The following ZIC4 variants were observed in gnomAD, a reference collection of about 807,000 sequenced individuals.
ZIC4 encodes zinc finger protein ZIC 4.
In ZIC4, 15 loss-of-function variants were observed where a neutral mutation model predicts 28.8. The ratio of observed to expected loss-of-function variants is 0.52; its 90% CI spans 0.35 to 0.80. The LOEUF (loss-of-function observed/expected upper bound fraction) is 0.80, where lower values mean the gene tolerates loss of function less well. Ranked by LOEUF, ZIC4 falls within the 30% of genes least tolerant of loss-of-function variation. The pLI is 0.01. For missense variants in ZIC4, 512 were observed against 467.1 expected (o/e 1.10, Z -0.89); for synonymous variants, 220 against 198.1 (o/e 1.11, Z -0.93).
chr3:147,406,228 A>G, intron 1 of ZIC4, 135 bp downstream of exon 1: 1 of 152,636 alleles, frequency 6.6e-6, no homozygotes, highest in Non-Finnish European at 1.5e-5. Flanking sequence ...ATGAAGGAGG[A>G]GATGGGGCAG....
chr3:147,405,325 G>A, intron 1 of ZIC4: 1 of 1,488,126 alleles, frequency 6.7e-7, no homozygotes. Flanking sequence ...ATGCAGTGGT[G>A]TGGGTCGCTG....
At chr3:147,400,238 T>C (rs1184006149) in intron 2 of ZIC4, among the ~76,000 whole-genome samples, 2 of 152,236 alleles carry the variant, frequency 1.3e-5, no homozygotes, top group East Asian at 1.9e-4. Context: ...CCACTGACTC[T>C]CTGGACTCCA....
intron 2 of ZIC4, chr3:147,397,123 G>T (rs1405280582): frequency 6.6e-6 from 1 of 151,928 alleles, no homozygotes; most frequent in Non-Finnish European, 1.5e-5. Flanking sequence ...CCAAGGTTTG[G>T]ATTTGGGCGC....
chr3:147,392,580 C>G (rs752310144), intron 3 of ZIC4: 1 of 309,908 alleles, frequency 3.2e-6, no homozygotes, highest in Non-Finnish European at 4.7e-6. Context: ...GTTAAGGGAC[C>G]GGCTACCTAG....
intron 2 of ZIC4, among the ~76,000 whole-genome samples, chr3:147,401,903 T>C (rs1046347879): frequency 2.6e-5 from 4 of 152,150 alleles, no homozygotes; most frequent in Admixed American, 2.0e-4. Flanking sequence ...TATTAAAGAA[T>C]CAAAACAACT....
chr3:147,389,108 G>T (rs2086854504), intron 4 of ZIC4: 1 of 566,634 alleles, frequency 1.8e-6, no homozygotes, highest in African/African-American at 1.9e-5. Flanking sequence ...GTTGCCGACT[G>T]CCCGCGCTGG....
chr3:147,395,765 C>A, intron 3 of ZIC4, 87 bp downstream of exon 3: 1 of 1,514,806 alleles, frequency 6.6e-7, no homozygotes, highest in Non-Finnish European at 8.9e-7. Context: ...ATTTCCCCCT[C>A]CCCTCAGTTG....
At chr3:147,402,200 T>C (rs548929687) in intron 2 of ZIC4, among the ~76,000 whole-genome samples, 1 of 152,348 alleles carries the variant, frequency 6.6e-6, no homozygotes, top group East Asian at 1.9e-4. Flanking sequence ...AGAGCAGCTG[T>C]CAGTCACTCC....
intron 3 of ZIC4, 53 bp downstream of exon 3, chr3:147,395,799 A>T (rs73004638): frequency 0.15 from 230,047 of 1,564,060 alleles, 17,684 homozygotes; most frequent in African/African-American, 0.22. Flanking sequence ...TCCAGACCCG[A>T]GGGCCTGCTT....
Position 147,388,752 on chromosome 3 carries a change from G to A in ZIC4, c.*107C>T. 1 of 725,182 alleles carries A rather than the reference G, an allele frequency of 1.4e-6. No homozygotes were observed. Among genetic ancestry groups the A allele is most frequent in the Non-Finnish European group, 2.5e-6 (1 of 394,248 alleles). 44.9% of individuals were successfully genotyped at this position (725,182 alleles called of 1,614,324 possible). A position where few individuals can be genotyped will look rare whatever the true frequency, so the allele number is the denominator to read the frequency against. On this transcript the variant is annotated 3_prime_UTR_variant, in exon 5 of 5. Transcript: ENST00000383075. Reference sequence around the variant, plus strand: ...CTAACTTACCATGAAGATGCACCGTGGCGAAGAAACACTGCTTTGTGCGCG... The same window carrying A: ...CTAACTTACCATGAAGATGCACCGTAGCGAAGAAACACTGCTTTGTGCGCG...
Position 147,396,459 on chromosome 3 carries a change from A to G in ZIC4, c.81T>C (p.Ser27=). 1.3e-6 allele frequency: 2 copies of G among 1,514,288 alleles called. No homozygotes were observed. The highest frequency in any genetic ancestry group is 1.8e-6 in the Non-Finnish European group (2 of 1,134,726). 93.8% of individuals were successfully genotyped at this position (1,514,288 alleles called of 1,614,324 possible). A position where few individuals can be genotyped will look rare whatever the true frequency, so the allele number is the denominator to read the frequency against. The change falls in exon 3 of 5, where the codon TCT becomes TCC. Residue 27 remains serine (S), a synonymous_variant. Transcript: ENST00000383075. The surrounding 1 kb of genome is among the most constrained non-coding windows in gnomAD (Gnocchi z 4.2). ...CGGTGAGCTGGGGGCCATGGTGTCCAGAGCTGCTACCTGTTGTCGAAACAA... is the reference window on the plus strand; with the variant it reads ...CGGTGAGCTGGGGGCCATGGTGTCCGGAGCTGCTACCTGTTGTCGAAACAA... The part of the protein sequence containing the change: ...RNTLKESSSS[S]GHHGPQLTAA...
rs2086816618 is a variant in ZIC4, at chr3:147,387,506, A to G, written c.*1353T>C. On this transcript the variant is annotated 3_prime_UTR_variant, in exon 5 of 5. Coordinates refer to ENST00000383075, the MANE Select transcript of ZIC4 (RefSeq NM_032153.6). ...CCATCCTTTTTATTCAACCACAAGGACTGGCACTAAAGAAGACTCCACTGT... is the reference window on the plus strand; with the variant it reads ...CCATCCTTTTTATTCAACCACAAGGGCTGGCACTAAAGAAGACTCCACTGT... 1 of 152,588 alleles carries G rather than the reference A, an allele frequency of 6.6e-6. No homozygotes were observed. Among genetic ancestry groups the G allele is most frequent in the Non-Finnish European group, 1.5e-5 (1 of 68,036 alleles). The allele number at this position is 152,588 out of a possible 1,614,324, so 9.5% of individuals were successfully genotyped here.
At chr3:147,398,191 A>C (rs1455304470) in intron 2 of ZIC4, among the ~76,000 whole-genome samples, 1 of 152,214 alleles carries the variant, frequency 6.6e-6, no homozygotes, top group Non-Finnish European at 1.5e-5. Flanking sequence ...CCCTGGGCAA[A>C]TCAGGGATCC....
chr3:147,391,275 G>T (rs1576455387), intron 3 of ZIC4, 29 bp from the exon 4 acceptor site: 1 of 1,547,190 alleles, frequency 6.5e-7, no homozygotes, highest in Middle Eastern at 1.7e-4. Flanking sequence ...AGACATTAGT[G>T]CTTGTGGGTC....
At chr3:147,388,884 A>G (rs777022408) in intron 4 of ZIC4, 25 bp from the exon 5 acceptor site, 1 of 779,994 alleles carries the variant, frequency 1.3e-6, no homozygotes, top group South Asian at 1.3e-5. Flanking sequence ...TGAAAAATTA[A>G]AGGCGATTAG....
chr3:147,400,403 G>C (rs1371249546), intron 2 of ZIC4, among the ~76,000 whole-genome samples: 1 of 152,238 alleles, frequency 6.6e-6, no homozygotes, highest in Admixed American at 6.5e-5. Context: ...AAATCCTGGA[G>C]AGTAGGCTGG....
intron 4 of ZIC4, among the ~76,000 whole-genome samples, chr3:147,389,588 G>A (rs1363427485): frequency 2.6e-5 from 4 of 152,028 alleles, no homozygotes; most frequent in Non-Finnish European, 4.4e-5. Context: ...ATGGGGGGAG[G>A]GGGGAAAAAG....
intron 2 of ZIC4, among the ~76,000 whole-genome samples, chr3:147,402,461 C>T (rs2087185864): frequency 1.3e-5 from 2 of 152,050 alleles, no homozygotes; most frequent in Admixed American, 6.6e-5. Context: ...ATGAGAGAAT[C>T]GTCAAATATT....
rs2279830 is a variant in ZIC4, at chr3:147,388,003, T to C, written c.*856A>G. ...TCCTGATCCTGGAGCCTCTTTGGGG[T>C]GCAGTCAAGATGCACAGAGTCCTTG... On this transcript the variant is annotated 3_prime_UTR_variant, in exon 5 of 5. Coordinates refer to ENST00000383075, the MANE Select transcript of ZIC4 (RefSeq NM_032153.6). 104,329 of 152,348 alleles carry C rather than the reference T, an allele frequency of 0.68. 37,640 individuals are homozygous for C. The highest frequency in any genetic ancestry group is 0.92 in the African/African-American group (38,305 of 41,480). The allele number at this position is 152,348 out of a possible 1,614,324, so 9.4% of individuals were successfully genotyped here.
Sources: allele counts gnomAD v4.1 joint callset (sites outside exome capture counted in the v4.1 genomes callset), GRCh38; gene constraint gnomAD v4.1.1; non-coding constraint Gnocchi (gnomAD v3.1); transcripts MANE v1.5; gene names NCBI Gene and HGNC (gene_info 2026-07-23, HGNC 2026-07-21).